TAF15: variants seen among roughly 807,000 people sequenced by gnomAD.
The protein encoded by TAF15 is TATA-binding protein-associated factor 2N.
In TAF15, 37 loss-of-function variants were observed where a neutral mutation model predicts 102.5. The observed-to-expected ratio is 0.36, with a 90% confidence interval of 0.28 to 0.47. The LOEUF is 0.47. TAF15 is among the 20% of genes least tolerant of loss of function. The pLI is 0.99. For missense variants in TAF15, 652 were observed against 760.7 expected (o/e 0.86, Z 1.68); for synonymous variants, 273 against 259.2 (o/e 1.05, Z -0.51).
At chr17:35,822,854 T>C in intron 6 of TAF15, 21 bp downstream of exon 6, 1 of 1,612,372 alleles carries the variant, frequency 6.2e-7, no homozygotes, top group Non-Finnish European at 8.5e-7. Flanking sequence ...CTGACCTCTA[T>C]TATTATTTTT....
intron 1 of TAF15, 78 bp from the exon 2 acceptor site, chr17:35,817,635 TTTC>T: frequency 7.9e-7 from 1 of 1,259,140 alleles, no homozygotes; most frequent in Non-Finnish European, 1.1e-6. Context: ...TCTTACCACA[TTTC>T]TTCTGTATGA....
chr17:35,844,200 T>G (rs532236573), intron 13 of TAF15, 42 bp downstream of exon 13: 1 of 1,612,204 alleles, frequency 6.2e-7, no homozygotes, highest in South Asian at 1.1e-5. Context: ...GGGTTGGGAT[T>G]GGGGCTGTGG....
At position 35,844,292 on chromosome 17, in the gene TAF15, T is replaced by C. The variant is rs938005356; in HGVS notation, c.1101T>C (p.Asn367=). 5 of 1,614,078 alleles carry C rather than the reference T, an allele frequency of 3.1e-6. No homozygotes were observed. Among genetic ancestry groups the C allele is most frequent in the Non-Finnish European group, 3.4e-6 (4 of 1,180,042 alleles). ...DWVCPNPSCG[N]MNFARRNSCN... is the part of the protein sequence containing the mutation. ...CCTCCTTTCTTAGGTCATGCGGAAA[T>C]ATGAACTTTGCTCGAAGGAATTCCT... The change falls in exon 14 of 16, where the codon AAT becomes AAC. Residue 367 remains asparagine, a synonymous_variant. Transcript: ENST00000605844.
chr17:35,839,166 A>C (rs2087511031), intron 11 of TAF15, among the ~76,000 whole-genome samples: 1 of 150,220 alleles, frequency 6.7e-6, no homozygotes. Context: ...CTGTGGTCCC[A>C]GTTACTTAGG....
intron 10 of TAF15, 53 bp from the exon 11 acceptor site, chr17:35,838,371 C>A: frequency 6.2e-7 from 1 of 1,605,710 alleles, no homozygotes; most frequent in Non-Finnish European, 8.5e-7. Context: ...CTAAATGATA[C>A]ATGATTACTT....
intron 1 of TAF15, chr17:35,809,815 G>A (rs1390051635): frequency 4.9e-6 from 3 of 608,684 alleles, no homozygotes; most frequent in Non-Finnish European, 8.7e-6. Context: ...CCCTGTCCTT[G>A]GAACCCGAGG....
intron 8 of TAF15, chr17:35,834,285 A>G (rs1434770596): frequency 2.3e-6 from 1 of 433,972 alleles, no homozygotes; most frequent in African/African-American, 2.0e-5. Flanking sequence ...GGGTTGTCCA[A>G]TCAGCCTTTA....
chr17:35,821,780 T>G (rs927956252), intron 5 of TAF15, among the ~76,000 whole-genome samples: 1 of 151,996 alleles, frequency 6.6e-6, no homozygotes, highest in Non-Finnish European at 1.5e-5. Flanking sequence ...TTTTTTCAGA[T>G]AAAAAAAATT....
In TAF15 at chr17:35,844,486, G is replaced by A. The variant is rs1363866728; in HGVS notation, c.1187G>A (p.Gly396Glu). Residue 396 changes from glycine (G) to glutamate (E), a missense_variant, in exon 15 of 16, where the codon GGG becomes GAG. By Grantham distance (98) the Gly-to-Glu change is moderately conservative. Coordinates refer to ENST00000605844, the MANE Select transcript of TAF15 (RefSeq NM_139215.3). The stretch of plus-strand genomic sequence containing the variant: ...CATTTCTACCTTGCAGATTTCCGGG[G>A]GAGAGGCTACGGTGGAGAGAGGGGC... ...DSRPSGGDFR[G>E]RGYGGERGYR... is the part of the protein sequence containing the mutation. The A allele has an allele frequency of 6.2e-7, 1 of 1,613,600 alleles. No homozygotes were observed. The highest frequency in any genetic ancestry group is 1.7e-5 in the Admixed American group (1 of 60,010).
intron 12 of TAF15, 105 bp from the exon 13 acceptor site, chr17:35,843,972 G>T: frequency 1.0e-6 from 1 of 994,696 alleles, no homozygotes; most frequent in South Asian, 1.3e-5. Context: ...TTTGCAGAGT[G>T]CTGCCTAAGT....
intron 7 of TAF15, among the ~76,000 whole-genome samples, chr17:35,829,024 G>A (rs932201980): frequency 6.6e-6 from 1 of 152,066 alleles, no homozygotes; most frequent in Non-Finnish European, 1.5e-5. Context: ...GTAAGACATA[G>A]GAGGAAATAA....
chr17:35,820,128 T>C (rs1188395130), intron 3 of TAF15, 36 bp from the exon 4 acceptor site: 5 of 1,613,194 alleles, frequency 3.1e-6, no homozygotes. Flanking sequence ...TTATCTTAAG[T>C]AGGTGATGAA....
At chr17:35,817,825 T>C (rs1176843330) in intron 2 of TAF15, 70 bp downstream of exon 2, 1 of 1,337,184 alleles carries the variant, frequency 7.5e-7, no homozygotes, top group Non-Finnish European at 1.1e-6. Context: ...GCTTCTTCTC[T>C]TGAGACTTGA....
intron 8 of TAF15, chr17:35,834,212 C>T: frequency 2.6e-6 from 1 of 378,672 alleles, no homozygotes; most frequent in Non-Finnish European, 4.6e-6. Flanking sequence ...TGAATGACAC[C>T]TTCACTGGAT....
intron 1 of TAF15, among the ~76,000 whole-genome samples, chr17:35,812,764 A>G (rs1015314473): frequency 1.3e-5 from 2 of 152,090 alleles, no homozygotes; most frequent in African/African-American, 2.4e-5. Context: ...AGAGCCTCTA[A>G]CAGATTATCT....
chr17:35,814,117 G>T (rs2087162057), intron 1 of TAF15, among the ~76,000 whole-genome samples: 1 of 151,716 alleles, frequency 6.6e-6, no homozygotes, highest in Non-Finnish European at 1.5e-5. Flanking sequence ...GTGTTGCCCA[G>T]GCTGGTCTTG....
intron 1 of TAF15, among the ~76,000 whole-genome samples, chr17:35,813,669 G>A (rs2087155626): frequency 7.0e-6 from 1 of 142,722 alleles, no homozygotes; most frequent in Non-Finnish European, 1.5e-5. Context: ...AGAAACATGG[G>A]AAATAGATTA....
intron 11 of TAF15, among the ~76,000 whole-genome samples, chr17:35,839,150 G>A (rs914321696): frequency 6.7e-6 from 1 of 149,598 alleles, no homozygotes; most frequent in African/African-American, 2.5e-5. Context: ...ACGTGGTGGT[G>A]TGCAGCTGTG....
chr17:35,823,706 CAAAAAAAA>C (rs57004932), intron 6 of TAF15: 24 of 161,404 alleles, frequency 1.5e-4, no homozygotes, highest in South Asian at 2.8e-4. Context: ...CTCTTGTCTC[CAAAAAAAA>C]AAAAAAAAAA....
Sources: gnomAD v4.1 joint callset for allele counts (sites outside exome capture counted in the v4.1 genomes callset) on GRCh38, gnomAD v4.1.1 for gene constraint, MANE v1.5 for transcripts, NCBI Gene and HGNC (gene_info 2026-07-23, HGNC 2026-07-21) for gene names.